Variants in BANK1 observed in about 807,000 individuals in gnomAD.
BANK1 encodes the protein B-cell scaffold protein with ankyrin repeats.
Under a neutral mutation model 94.5 loss-of-function variants are expected in BANK1, and 95 were observed. The ratio of observed to expected loss-of-function variants is 1.00; its 90% CI spans 0.85 to 1.19. The LOEUF (loss-of-function observed/expected upper bound fraction) is 1.19, where lower values mean the gene tolerates loss of function less well. Ranked by LOEUF, BANK1 falls within the 50% of genes most tolerant of loss-of-function variation. The probability of loss-of-function intolerance (pLI) is 0.00; values close to 1 mark genes in which losing one functional copy is unlikely to be tolerated. For synonymous variants in BANK1, 334 were observed against 308.4 expected (o/e 1.08, Z -0.87); for missense variants, 987 against 932.2 (o/e 1.06, Z -0.77).
chr4:102,029,996 A>G lies in BANK1; in HGVS notation c.1631A>G (p.Asn544Ser). Residue 544 changes from asparagine to serine, a missense_variant, in exon 10 of 17, where the codon AAC becomes AGC. Transcript: ENST00000322953. ...MVEGQMERSQNWGHPGVRQET... is the reference protein window; with the variant it reads ...MVEGQMERSQSWGHPGVRQET... Reference sequence around the variant, plus strand: ...GAAGGCCAAATGGAAAGAAGTCAAAACTGGGGTCATCCTGGTGTTAGACAA... The same window carrying G: ...GAAGGCCAAATGGAAAGAAGTCAAAGCTGGGGTCATCCTGGTGTTAGACAA... 1 of 1,611,698 alleles carries G rather than the reference A, an allele frequency of 6.2e-7. No homozygotes were observed.
intron 3 of BANK1, among the ~76,000 whole-genome samples, chr4:101,860,095 A>G (rs886111890): frequency 2.0e-5 from 3 of 152,212 alleles, no homozygotes; most frequent in African/African-American, 7.2e-5. Context: ...GGAGAGGATA[A>G]ATATGGGGAT....
chr4:101,865,794 G>A (rs546522729), intron 4 of BANK1, among the ~76,000 whole-genome samples: 7 of 151,850 alleles, frequency 4.6e-5, no homozygotes, highest in African/African-American at 1.7e-4. Context: ...GTTTAAAAAA[G>A]CAAACAACCA....
At chr4:102,022,805 G>T (rs1220184244) in intron 8 of BANK1, among the ~76,000 whole-genome samples, 2 of 152,004 alleles carry the variant, frequency 1.3e-5, no homozygotes, top group Admixed American at 6.6e-5. Context: ...TCCCCTACAA[G>T]GCCCTAATCT....
chr4:101,924,342 A>G (rs1279353088), intron 7 of BANK1, among the ~76,000 whole-genome samples: 1 of 55,488 alleles, frequency 1.8e-5, no homozygotes, highest in Non-Finnish European at 6.7e-5. Context: ...AGGAATAACT[A>G]TTCTCAGATG....
chr4:101,802,787 G>A (rs1725399260), intron 1 of BANK1, among the ~76,000 whole-genome samples: 2 of 152,246 alleles, frequency 1.3e-5, no homozygotes, highest in Admixed American at 1.3e-4. Flanking sequence ...CTCTGTAATT[G>A]ACAGTTATGG....
chr4:102,002,588 C>CAT (rs1157175521), intron 7 of BANK1, among the ~76,000 whole-genome samples: 72 of 132,300 alleles, frequency 5.4e-4, no homozygotes, highest in African/African-American at 2.0e-3. Context: ...CACACACACA[C>CAT]ATATATATAT....
rs566897178 is a variant in BANK1, at chr4:101,827,062, A to G, written c.71-2746A>G. On this transcript the variant is annotated intron_variant, in intron 1 of 16. Coordinates refer to ENST00000322953, the MANE Select transcript of BANK1 (RefSeq NM_017935.5). ...CTCTTTGTACTCATGATAATACTGT[A>G]CAAACTGATCTTTAAAAATGATTAT... Among the ~76,000 whole-genome samples, 200 of 152,042 alleles carry G rather than the reference A, an allele frequency of 1.3e-3. 3 individuals carry two copies. The highest frequency in any genetic ancestry group is 7.7e-4 in the East Asian group (4 of 5,190).
intron 5 of BANK1, among the ~76,000 whole-genome samples, chr4:101,873,206 T>C (rs1356610058): frequency 1.3e-5 from 2 of 152,178 alleles, no homozygotes; most frequent in African/African-American, 4.8e-5. Context: ...TTATTTAGCA[T>C]AGTTACTGTT....
At chr4:102,071,355 G>T in intron 14 of BANK1, 51 bp downstream of exon 14, 1 of 1,545,616 alleles carries the variant, frequency 6.5e-7, no homozygotes, top group East Asian at 2.2e-5. Flanking sequence ...AAAGTACAGA[G>T]TAAATCAATT....
At chr4:102,052,471 CAGA>C (rs899926429) in intron 11 of BANK1, among the ~76,000 whole-genome samples, 3 of 151,622 alleles carry the variant, frequency 2.0e-5, no homozygotes, top group Non-Finnish European at 4.4e-5. Flanking sequence ...AAAACTACTC[CAGA>C]AGAAGGGAAG....
At chr4:101,997,289 C>T (rs1455509578) in intron 7 of BANK1, among the ~76,000 whole-genome samples, 4 of 152,094 alleles carry the variant, frequency 2.6e-5, no homozygotes, top group South Asian at 4.1e-4. Context: ...CCGACTTGTT[C>T]GTGGTGGATA....
chr4:102,041,287 AC>A (rs1426996836), intron 10 of BANK1, among the ~76,000 whole-genome samples: 1 of 152,074 alleles, frequency 6.6e-6, no homozygotes, highest in Non-Finnish European at 1.5e-5. Flanking sequence ...AGAAAGATGA[AC>A]AGATTCTGAA....
intron 9 of BANK1, among the ~76,000 whole-genome samples, chr4:102,026,351 A>T (rs1727097393): frequency 6.6e-6 from 1 of 151,590 alleles, no homozygotes; most frequent in South Asian, 2.1e-4. Flanking sequence ...AAATGTTCTT[A>T]AGAAGACAAT....
chr4:101,996,617 G>T (rs989964590), intron 7 of BANK1, among the ~76,000 whole-genome samples: 2 of 152,096 alleles, frequency 1.3e-5, no homozygotes, highest in Non-Finnish European at 2.9e-5. Flanking sequence ...GCAGTGTTTT[G>T]TAGTTCTCCT....
intron 7 of BANK1, among the ~76,000 whole-genome samples, chr4:102,017,546 A>G (rs1726750916): frequency 6.6e-6 from 1 of 152,192 alleles, no homozygotes; most frequent in South Asian, 2.1e-4. Flanking sequence ...ACAGGTCAGA[A>G]TGAGAGATGT....
chr4:101,978,782 A>G (rs556577713), intron 7 of BANK1, among the ~76,000 whole-genome samples: 1 of 152,156 alleles, frequency 6.6e-6, no homozygotes, highest in East Asian at 1.9e-4. Context: ...TATCTTTCCC[A>G]TTGAAATACA....
At chr4:102,066,298 C>T (rs1362307315) in intron 13 of BANK1, among the ~76,000 whole-genome samples, 1 of 151,470 alleles carries the variant, frequency 6.6e-6, no homozygotes, top group Non-Finnish European at 1.5e-5. Flanking sequence ...GCTCTGTCGC[C>T]CAGGCTGGAG....
chr4:102,017,770 A>T (rs1458729741), intron 7 of BANK1, among the ~76,000 whole-genome samples: 2 of 152,118 alleles, frequency 1.3e-5, no homozygotes, highest in Admixed American at 1.3e-4. Context: ...TCATAACTTT[A>T]GTTTTCTATA....
intron 5 of BANK1, among the ~76,000 whole-genome samples, chr4:101,892,381 T>A (rs1436067710): frequency 1.3e-5 from 2 of 151,670 alleles, no homozygotes; most frequent in East Asian, 1.9e-4. Context: ...ACTAAAAAAA[T>A]TTTCTTGGGA....
Sources: allele counts gnomAD v4.1 joint callset (sites outside exome capture counted in the v4.1 genomes callset), GRCh38; gene constraint gnomAD v4.1.1; transcripts MANE v1.5; gene names NCBI Gene and HGNC (gene_info 2026-07-23, HGNC 2026-07-21).